Variants in FILIP1 observed in about 807,000 individuals in gnomAD.
The protein encoded by FILIP1 is filamin-A-interacting protein 1.
Under a neutral mutation model 102.1 loss-of-function variants are expected in FILIP1, and 61 were observed. The ratio of observed to expected loss-of-function variants is 0.60; its 90% CI spans 0.49 to 0.74. The LOEUF is 0.74. Ranked by LOEUF, FILIP1 falls within the 30% of genes least tolerant of loss-of-function variation. FILIP1 has a pLI of 0.00. For synonymous variants in FILIP1, 491 were observed against 526.9 expected (o/e 0.93, Z 0.93); for missense variants, 1,314 against 1,441.2 (o/e 0.91, Z 1.43).
At chr6:75,384,051 T>G (rs1478728421) in intron 2 of FILIP1, among the ~76,000 whole-genome samples, 3 of 152,218 alleles carry the variant, frequency 2.0e-5, no homozygotes, top group African/African-American at 7.2e-5. Context: ...ATAACTGTTA[T>G]GTCTTGTATT....
At chr6:75,465,183 G>T in intron 1 of FILIP1, 1 of 187,458 alleles carries the variant, frequency 5.3e-6, no homozygotes, top group Non-Finnish European at 1.1e-5. Flanking sequence ...CCAACCATTG[G>T]AAGAACTCAA....
At chr6:75,449,361 G>T (rs185160721) in intron 1 of FILIP1, among the ~76,000 whole-genome samples, 2 of 152,200 alleles carry the variant, frequency 1.3e-5, no homozygotes, top group East Asian at 3.9e-4. Flanking sequence ...ATAAAAGACT[G>T]CATTTTGGGT....
At chr6:75,299,395 G>T (rs1428075357) in intron 6 of FILIP1, among the ~76,000 whole-genome samples, 1 of 152,068 alleles carries the variant, frequency 6.6e-6, no homozygotes, top group African/African-American at 2.4e-5. Context: ...AGGCAGATTG[G>T]AACCAAAGAC....
At chr6:75,369,117 C>CA (rs575563661) in intron 2 of FILIP1, among the ~76,000 whole-genome samples, 6 of 152,296 alleles carry the variant, frequency 3.9e-5, no homozygotes, top group African/African-American at 1.4e-4. Flanking sequence ...TTTGTTGCCT[C>CA]AGAGGTTTTT....
chr6:75,472,504 T>C (rs150470084), intron 1 of FILIP1, among the ~76,000 whole-genome samples: 12 of 152,122 alleles, frequency 7.9e-5, no homozygotes, highest in Non-Finnish European at 1.8e-4. Flanking sequence ...TGTGATAAGA[T>C]GTTAAAGGAC....
intron 4 of FILIP1, among the ~76,000 whole-genome samples, chr6:75,339,721 G>A (rs1022288745): frequency 6.6e-6 from 1 of 152,188 alleles, no homozygotes; most frequent in Non-Finnish European, 1.5e-5. Context: ...GCCAAGGCAG[G>A]GGGATCACTT....
At chr6:75,476,698 T>C (rs970503343) in intron 1 of FILIP1, among the ~76,000 whole-genome samples, 4 of 152,188 alleles carry the variant, frequency 2.6e-5, no homozygotes, top group Admixed American at 1.3e-4. Flanking sequence ...TAATGAAGAT[T>C]CTGGCCTTTT....
At chr6:75,449,830 C>A (rs922142160) in intron 1 of FILIP1, among the ~76,000 whole-genome samples, 1 of 152,152 alleles carries the variant, frequency 6.6e-6, no homozygotes, top group African/African-American at 2.4e-5. Context: ...GTGGAATCTG[C>A]AATTGCACTC....
At chr6:75,439,894 C>G (rs2149718370) in intron 1 of FILIP1, among the ~76,000 whole-genome samples, 1 of 152,274 alleles carries the variant, frequency 6.6e-6, no homozygotes, top group African/African-American at 2.4e-5. Context: ...TCCTACTATG[C>G]TAAATAAACC....
At chr6:75,455,391 T>C (rs1228170508) in intron 1 of FILIP1, 1 of 151,698 alleles carries the variant, frequency 6.6e-6, no homozygotes, top group Non-Finnish European at 1.5e-5. Context: ...GTTTTTTTCA[T>C]GGTATGAAAT....
At chr6:75,390,225 A>G (rs932091024) in intron 2 of FILIP1, among the ~76,000 whole-genome samples, 3 of 151,956 alleles carry the variant, frequency 2.0e-5, no homozygotes, top group Non-Finnish European at 4.4e-5. Flanking sequence ...TGTGGGGTAG[A>G]TTTTCCTCCT....
chr6:75,346,133 G>T (rs1464007486), intron 4 of FILIP1, among the ~76,000 whole-genome samples: 2 of 152,176 alleles, frequency 1.3e-5, no homozygotes, highest in African/African-American at 4.8e-5. Flanking sequence ...CATCCAGGTA[G>T]TAGCACTACA....
At chr6:75,430,839 T>C (rs75220250) in intron 1 of FILIP1, among the ~76,000 whole-genome samples, 3 of 152,334 alleles carry the variant, frequency 2.0e-5, no homozygotes, top group East Asian at 1.9e-4. Flanking sequence ...TCCCAGCAGA[T>C]GGTACTCCTG....
intron 1 of FILIP1, among the ~76,000 whole-genome samples, chr6:75,436,679 CTTTCTAACTCAT>C (rs1480195223): frequency 2.6e-5 from 4 of 152,176 alleles, no homozygotes; most frequent in Non-Finnish European, 2.9e-5. Flanking sequence ...GAATTCATCT[CTTTCTAACTCAT>C]TTTGGGTTGC....
chr6:75,442,659 C>CA (rs1437633342), intron 1 of FILIP1, among the ~76,000 whole-genome samples: 1 of 152,066 alleles, frequency 6.6e-6, no homozygotes, highest in Non-Finnish European at 1.5e-5. Context: ...CAGGCTGAGG[C>CA]AGGAGAATCA....
At position 75,314,245 on chromosome 6, in the gene FILIP1, G is replaced by C. The variant is rs1210679984; in HGVS notation, c.1587C>G (p.Leu529=). 6.4e-7 allele frequency: 1 copy of C among 1,558,218 alleles called. No individual in the cohort carries two copies. Among genetic ancestry groups the C allele is most frequent in the South Asian group, 1.2e-5 (1 of 80,978 alleles). Residue 529 remains leucine, a synonymous_variant, in exon 5 of 6, where the codon CTC becomes CTG. Transcript: ENST00000237172. ...CTTGTTCCACCTTAAAATTTTTATT[G>C]AGTCCATCCACTTTTCTCTCTTCTT... ...IKQEERKVDG[L]NKNFKVEQGK...
chr6:75,462,923 T>A (rs1562635741), intron 1 of FILIP1, among the ~76,000 whole-genome samples: 1 of 152,142 alleles, frequency 6.6e-6, no homozygotes, highest in Non-Finnish European at 1.5e-5. Flanking sequence ...AAGTCTGGGA[T>A]AGGGGAATGG....
At chr6:75,308,990 C>A in intron 5 of FILIP1, 93 bp from the exon 6 acceptor site, 1 of 1,347,768 alleles carries the variant, frequency 7.4e-7, no homozygotes, top group South Asian at 1.3e-5. Flanking sequence ...ACTCTTGCCA[C>A]ACAGGAACAC....
At chr6:75,359,777 T>C (rs1408237939) in intron 3 of FILIP1, among the ~76,000 whole-genome samples, 2 of 152,192 alleles carry the variant, frequency 1.3e-5, no homozygotes, top group Non-Finnish European at 2.9e-5. Context: ...GGCTAAGTTC[T>C]GAGGAAGAGT....
Sources: gnomAD v4.1 joint callset for allele counts (sites outside exome capture counted in the v4.1 genomes callset) on GRCh38, gnomAD v4.1.1 for gene constraint, MANE v1.5 for transcripts, NCBI Gene and HGNC (gene_info 2026-07-23, HGNC 2026-07-21) for gene names.